The following CSMD1 variants were observed in gnomAD, a reference collection of about 807,000 sequenced individuals.
The protein encoded by CSMD1 is CUB and Sushi multiple domains 1.
In CSMD1, 213 loss-of-function variants were observed where a neutral mutation model predicts 417.5. The observed-to-expected ratio is 0.51, with a 90% CI of 0.46 to 0.57. CSMD1 has a LOEUF of 0.57. Ranked by LOEUF, CSMD1 falls within the 20% of genes least tolerant of loss-of-function variation. CSMD1 has a pLI of 0.00. For synonymous variants in CSMD1, 2,862 were observed against 1,736.8 expected (o/e 1.65, Z -16.11); for missense variants, 6,923 against 4,529.7 (o/e 1.53, Z -15.17).
At chr8:3,713,565 C>T (rs552486604) in intron 6 of CSMD1, among the ~76,000 whole-genome samples, 1 of 152,154 alleles carries the variant, frequency 6.6e-6, no homozygotes, top group African/African-American at 2.4e-5. Flanking sequence ...CTTCCAAGAC[C>T]TCTCTTAGGA....
In CSMD1 at chr8:3,059,032, T is replaced by G. The variant is rs558964492; in HGVS notation, c.7475-6385A>C. 9.9e-5 allele frequency among the ~76,000 whole-genome samples: 15 copies of G among 152,110 alleles called. No individual in the cohort carries two copies. The South Asian group carries it at 2.9e-3, about 30-fold the overall frequency. ...GAAAGGAGGATGTGTTGGTGATTTTTTTTTCCGCTAACCCTGCGCTAAAGT... is the reference window on the plus strand; with the variant it reads ...GAAAGGAGGATGTGTTGGTGATTTTGTTTTCCGCTAACCCTGCGCTAAAGT... On this transcript the variant is annotated intron_variant, in intron 49 of 69. Transcript: ENST00000635120.
intron 63 of CSMD1, among the ~76,000 whole-genome samples, chr8:2,955,980 A>G (rs982277967): frequency 1.3e-4 from 19 of 151,978 alleles, no homozygotes; most frequent in African/African-American, 3.6e-4. Context: ...ACCTCAAGCT[A>G]TTCTCCTGTT....
At chr8:4,918,641 T>C (rs1806229357) in intron 1 of CSMD1, among the ~76,000 whole-genome samples, 1 of 152,218 alleles carries the variant, frequency 6.6e-6, no homozygotes, top group African/African-American at 2.4e-5. Context: ...GATTGATAAA[T>C]CTTTTCTTTC....
At chr8:4,072,118 G>A (rs933401274) in intron 3 of CSMD1, among the ~76,000 whole-genome samples, 1 of 152,162 alleles carries the variant, frequency 6.6e-6, no homozygotes, top group African/African-American at 2.4e-5. Context: ...TTCGCTATAG[G>A]CTGTTCAACT....
chr8:4,474,891 C>T (rs965118706), intron 2 of CSMD1, among the ~76,000 whole-genome samples: 3 of 152,126 alleles, frequency 2.0e-5, no homozygotes, highest in African/African-American at 7.2e-5. Context: ...CTCTAGCTTA[C>T]TTTCTTGTAA....
chr8:4,210,860 G>A (rs1800265059), intron 3 of CSMD1, among the ~76,000 whole-genome samples: 2 of 152,088 alleles, frequency 1.3e-5, no homozygotes, highest in South Asian at 4.1e-4. Context: ...ATGTTTCACA[G>A]CAGTGTTGTC....
intron 2 of CSMD1, among the ~76,000 whole-genome samples, chr8:4,546,979 C>T (rs1797667540): frequency 6.6e-6 from 1 of 152,140 alleles, no homozygotes. Context: ...AAGTAGGCAT[C>T]ACCCTGTGTG....
intron 30 of CSMD1, among the ~76,000 whole-genome samples, chr8:3,206,264 G>C (rs1797250545): frequency 9.0e-6 from 1 of 110,980 alleles, no homozygotes; most frequent in Non-Finnish European, 1.9e-5. Context: ...TGTATGTGTG[G>C]GGGGGTATGT....
At chr8:3,828,696 T>C (rs1442823455) in intron 5 of CSMD1, among the ~76,000 whole-genome samples, 1 of 152,142 alleles carries the variant, frequency 6.6e-6, no homozygotes, top group African/African-American at 2.4e-5. Flanking sequence ...AGGTTGCTTA[T>C]TGGCCTCCCT....
intron 17 of CSMD1, among the ~76,000 whole-genome samples, chr8:3,387,965 G>A (rs1276672389): frequency 2.6e-5 from 4 of 151,884 alleles, no homozygotes; most frequent in Non-Finnish European, 5.9e-5. Context: ...TTTTCTTCTT[G>A]GAAAATCAAT....
chr8:3,682,994 A>C (rs1799746213), intron 7 of CSMD1, among the ~76,000 whole-genome samples: 1 of 152,120 alleles, frequency 6.6e-6, no homozygotes, highest in South Asian at 2.1e-4. Flanking sequence ...GGAACTGAAC[A>C]ATGAGAACAC....
At chr8:3,998,262 A>G (rs1216131843) in intron 4 of CSMD1, among the ~76,000 whole-genome samples, 152 bp from the exon 5 acceptor site, 1 of 152,198 alleles carries the variant, frequency 6.6e-6, no homozygotes, top group Non-Finnish European at 1.5e-5. Context: ...TTGGTATGTT[A>G]ATGAGTTCTA....
intron 25 of CSMD1, among the ~76,000 whole-genome samples, chr8:3,286,681 T>C (rs996612188): frequency 6.6e-6 from 1 of 151,388 alleles, no homozygotes; most frequent in Non-Finnish European, 1.5e-5. Flanking sequence ...GTTGTTTTTT[T>C]CTTGTAAATT....
chr8:4,402,800 CTTTTTTTTTTTTTT>C (rs60965667), intron 3 of CSMD1, among the ~76,000 whole-genome samples: 2 of 89,370 alleles, frequency 2.2e-5, no homozygotes, highest in Middle Eastern at 8.6e-3. Flanking sequence ...TCACTTTTTT[CTTTTTTTTTTTTTT>C]TTTTTTCTTT....
chr8:4,694,659 A>C (rs1807000244), intron 1 of CSMD1, among the ~76,000 whole-genome samples: 2 of 151,980 alleles, frequency 1.3e-5, no homozygotes, highest in African/African-American at 4.8e-5. Flanking sequence ...CACCGCGCCC[A>C]GCCCAATGTA....
intron 3 of CSMD1, among the ~76,000 whole-genome samples, chr8:4,154,477 T>C (rs1240994770): frequency 2.0e-5 from 3 of 152,114 alleles, no homozygotes; most frequent in Admixed American, 6.5e-5. Flanking sequence ...GGAAGGAGAA[T>C]GGTTTACCCC....
At chr8:4,761,505 G>A (rs1387727599) in intron 1 of CSMD1, among the ~76,000 whole-genome samples, 1 of 151,866 alleles carries the variant, frequency 6.6e-6, no homozygotes, top group Non-Finnish European at 1.5e-5. Context: ...TATTGCATAT[G>A]TAGTTTCATC....
At chr8:3,501,780 C>G (rs762156188) in intron 10 of CSMD1, among the ~76,000 whole-genome samples, 5 of 152,188 alleles carry the variant, frequency 3.3e-5, no homozygotes, top group East Asian at 1.9e-4. Context: ...AAAATGCACA[C>G]TTTCTTAGAA....
intron 5 of CSMD1, among the ~76,000 whole-genome samples, chr8:3,863,845 G>A (rs1804896346): frequency 1.3e-5 from 2 of 152,042 alleles, no homozygotes; most frequent in South Asian, 4.1e-4. Context: ...AAAAAACAGA[G>A]TTTAATTTCT....
Sources: gnomAD v4.1 joint callset for allele counts (sites outside exome capture counted in the v4.1 genomes callset) on GRCh38, gnomAD v4.1.1 for gene constraint, MANE v1.5 for transcripts, NCBI Gene and HGNC (gene_info 2026-07-23, HGNC 2026-07-21) for gene names.